The following CFH variants were observed in gnomAD, a reference collection of about 807,000 sequenced individuals.
CFH encodes the protein H factor 1 (complement).
Under a neutral mutation model 147.3 loss-of-function variants are expected in CFH, and 53 were observed. The ratio of observed to expected loss-of-function variants is 0.36; its 90% CI spans 0.29 to 0.45. CFH has a LOEUF of 0.45. Among genes scored for constraint, CFH ranks in the 20% least tolerant of loss-of-function variants. The pLI is 1.00. For missense variants in CFH, 1,380 were observed against 1,498.0 expected (o/e 0.92, Z 1.30); for synonymous variants, 536 against 489.4 (o/e 1.10, Z -1.26).
chr1:196,659,167 G>A (rs1363847542), intron 1 of CFH, among the ~76,000 whole-genome samples: 1 of 152,168 alleles, frequency 6.6e-6, no homozygotes. Flanking sequence ...CATGCTGAGA[G>A]TTTGACTACT....
intron 12 of CFH, among the ~76,000 whole-genome samples, chr1:196,725,527 T>C (rs1669115020): frequency 1.3e-5 from 2 of 152,304 alleles, no homozygotes; most frequent in East Asian, 1.9e-4. Flanking sequence ...ACACAGGTGT[T>C]GTCGGTCTTA....
chr1:196,703,697 GT>G (rs1040357298), intron 9 of CFH, among the ~76,000 whole-genome samples: 5 of 151,992 alleles, frequency 3.3e-5, no homozygotes, highest in Non-Finnish European at 7.4e-5. Flanking sequence ...TTAAAGCACA[GT>G]TTTTTGCTGG....
intron 7 of CFH, among the ~76,000 whole-genome samples, chr1:196,686,831 A>G (rs1440358247): frequency 1.3e-5 from 2 of 152,122 alleles, no homozygotes; most frequent in Admixed American, 6.6e-5. Flanking sequence ...CTCATGGACA[A>G]GATAGAGGAG....
intron 14 of CFH, among the ~76,000 whole-genome samples, chr1:196,727,307 G>T (rs1445108269): frequency 6.6e-6 from 1 of 152,014 alleles, no homozygotes; most frequent in Non-Finnish European, 1.5e-5. Flanking sequence ...GTAGACACTA[G>T]TGTGGGCAAT....
intron 15 of CFH, 69 bp from the exon 16 acceptor site, chr1:196,736,755 A>T (rs1394526481): frequency 1.3e-6 from 1 of 777,764 alleles, no homozygotes; most frequent in Admixed American, 4.4e-5. Flanking sequence ...TTCATCAAAA[A>T]TTCTAATTTT....
intron 10 of CFH, among the ~76,000 whole-genome samples, chr1:196,714,335 C>G (rs546435258): frequency 2.6e-5 from 4 of 151,550 alleles, no homozygotes; most frequent in African/African-American, 9.7e-5. Flanking sequence ...ATAATTTAAA[C>G]TCTATAATTT....
intron 9 of CFH, among the ~76,000 whole-genome samples, chr1:196,707,436 G>A (rs1237469655): frequency 6.6e-6 from 1 of 152,156 alleles, no homozygotes; most frequent in Non-Finnish European, 1.5e-5. Context: ...AGCAGATTGT[G>A]GTATCCAACT....
chr1:196,673,119 G>T lies in CFH; in HGVS notation c.200G>T (p.Arg67Met). 4.3e-6 allele frequency: 7 copies of T among 1,613,852 alleles called. No homozygotes were observed. The highest frequency in any genetic ancestry group is 5.9e-6 in the Non-Finnish European group (7 of 1,179,846). The change falls in exon 2 of 22, where the codon AGG becomes ATG. Residue 67 changes from arginine to methionine, a missense_variant. Arg to Met is a moderately conservative substitution (Grantham distance 91). This residue lies in a region of CFH where 260 missense variants were observed against 263.3 expected (regional missense o/e 0.99). Coordinates refer to ENST00000367429, the MANE Select transcript of CFH (RefSeq NM_000186.4). ...RSLGNVIMVC[R>M]KGEWVALNPL... ...CTTGGAAATGTAATAATGGTATGCA[G>T]GAAGGGAGAATGGGTTGCTCTTAAT... is the stretch of plus-strand genomic sequence containing the variant.
intron 20 of CFH, among the ~76,000 whole-genome samples, chr1:196,745,347 T>C (rs749229354): frequency 7.9e-5 from 12 of 152,160 alleles, no homozygotes; most frequent in East Asian, 1.9e-4. Context: ...TGTTTTCAGT[T>C]TATTTTCAGA....
In CFH at chr1:196,747,097, T is replaced by C; in HGVS notation, c.3494-14T>C. 6.2e-7 allele frequency: 1 copy of C among 1,613,730 alleles called. No homozygotes were observed. Among genetic ancestry groups the C allele is most frequent in the Non-Finnish European group, 8.5e-7 (1 of 1,179,742 alleles). Reference sequence around the variant, plus strand: ...ACTACTTAATGTTTTATGTTTACTGTTTTTTATTTTCAGATCCGTGTGTAA... The same window carrying C: ...ACTACTTAATGTTTTATGTTTACTGCTTTTTATTTTCAGATCCGTGTGTAA... On this transcript the variant is annotated splice_polypyrimidine_tract_variant and intron_variant, in intron 21 of 21. Coordinates refer to ENST00000367429, the MANE Select transcript of CFH (RefSeq NM_000186.4).
At chr1:196,654,761 T>A (rs1666627995) in intron 1 of CFH, among the ~76,000 whole-genome samples, 1 of 152,160 alleles carries the variant, frequency 6.6e-6, no homozygotes, top group Admixed American at 6.6e-5. Flanking sequence ...CCTGGAGATT[T>A]AGAGTGCAGA....
rs765979631 is a variant in CFH at position 196,736,805 on chromosome 1, T to C, written c.2414-19T>C. ...TTATTTTTTATTATAACATTAATTA[T>C]ATTTTTAATATTTTTTAGTGGCACA... On this transcript the variant is annotated intron_variant, in intron 15 of 21. Transcript: ENST00000367429. 1.1e-5 allele frequency: 13 copies of C among 1,189,856 alleles called. No homozygotes were observed. The South Asian group carries it at 2.7e-4, about 25-fold the overall frequency. The allele number at this position is 1,189,856 out of a possible 1,614,324, so 73.7% of individuals were successfully genotyped here.
rs967645162 is a variant in CFH, at chr1:196,685,089, T to C, written c.816T>C (p.Ile272=). The change falls in exon 7 of 22, where the codon ATT becomes ATC. Residue 272 remains isoleucine, a synonymous_variant. Transcript: ENST00000367429. ...AAAAATCATGTGATAATCCTTATAT[T>C]CCAAATGGTGACTACTCACCTTTAA... ...CEEKSCDNPY[I]PNGDYSPLRI... is the part of the protein sequence containing the mutation. The C allele has an allele frequency of 1.9e-6, 3 of 1,610,530 alleles. No homozygotes were observed. In the African/African-American group the frequency reaches 4.0e-5, roughly 22 times the overall value.
In CFH at chr1:196,743,632, G is replaced by A. The variant is rs1470609922; in HGVS notation, c.3310+4G>A. On this transcript the variant is annotated splice_donor_region_variant and intron_variant, in intron 20 of 21. Transcript: ENST00000367429. ...ACGGAACCACCTCAATGCAAAGGTA[G>A]AGTATTATATTTCTTTTAACATTTT... 5 of 1,613,782 alleles carry A rather than the reference G, an allele frequency of 3.1e-6. No homozygotes were observed. Among genetic ancestry groups the A allele is most frequent in the Admixed American group, 3.3e-5 (2 of 59,996 alleles).
At position 196,679,804 on chromosome 1, in the gene CFH, C is replaced by G; in HGVS notation, c.790+11C>G. ...TGCCTTCATGTGAAGGTAATGTTAC[C>G]TTTATTTTCTGGATCTTTATAAATT... On this transcript the variant is annotated intron_variant, in intron 6 of 21. Coordinates refer to ENST00000367429, the MANE Select transcript of CFH (RefSeq NM_000186.4). 6 of 1,605,014 alleles carry G rather than the reference C, an allele frequency of 3.7e-6. No individual in the cohort carries two copies. The South Asian group carries it at 6.7e-5, about 18-fold the overall frequency.
rs1234166260 is a variant in CFH at position 196,745,906 on chromosome 1, G to A, written c.3400G>A (p.Val1134Ile). ...GTCAGTATATGCTCCAGCTTCATCAGTTGAGTACCAATGCCAGAACTTGTA... is the reference window on the plus strand; with the variant it reads ...GTCAGTATATGCTCCAGCTTCATCAATTGAGTACCAATGCCAGAACTTGTA... ...PLSVYAPASS[V>I]EYQCQNLYQL... The change falls in exon 21 of 22, where the codon GTT becomes ATT. Residue 1134 changes from valine (V) to isoleucine (I), a missense_variant. By Grantham distance (29) the Val-to-Ile change is conservative (BLOSUM62 3). Transcript: ENST00000367429. 6.2e-7 allele frequency: 1 copy of A among 1,614,112 alleles called. No homozygotes were observed. The highest frequency in any genetic ancestry group is 8.5e-7 in the Non-Finnish European group (1 of 1,180,022).
At position 196,672,906 on chromosome 1, in the gene CFH, C is replaced by T. The variant is rs1004946508; in HGVS notation, c.59-72C>T. On this transcript the variant is annotated intron_variant, in intron 1 of 21. Coordinates refer to ENST00000367429, the MANE Select transcript of CFH (RefSeq NM_000186.4). ...GTGACTGTCTAGGCATTTTTAAAAG[C>T]AACAATTACCTAAATATACTGTACA... 10 of 1,310,424 alleles carry T rather than the reference C, an allele frequency of 7.6e-6. No individual in the cohort carries two copies. In the African/African-American group the frequency reaches 1.5e-4, roughly 20 times the overall value. The allele number at this position is 1,310,424 out of a possible 1,614,324, so 81.2% of individuals were successfully genotyped here.
chr1:196,709,588 A>G (rs1469376595), intron 9 of CFH, among the ~76,000 whole-genome samples: 1 of 152,184 alleles, frequency 6.6e-6, no homozygotes, highest in Non-Finnish European at 1.5e-5. Context: ...GAAAAATTCA[A>G]CTATGATTTC....
At chr1:196,673,828 C>A in intron 2 of CFH, 29 bp from the exon 3 acceptor site, 1 of 1,365,018 alleles carries the variant, frequency 7.3e-7, no homozygotes, top group Non-Finnish European at 1.0e-6. Context: ...CTATTACATA[C>A]TAATTCATAA....
Sources: allele counts gnomAD v4.1 joint callset (sites outside exome capture counted in the v4.1 genomes callset), GRCh38; gene constraint gnomAD v4.1.1; regional missense constraint gnomAD v4.1.1; transcripts MANE v1.5; gene names NCBI Gene and HGNC (gene_info 2026-07-23, HGNC 2026-07-21).